CUBN: variants seen among roughly 807,000 people sequenced by gnomAD.
CUBN encodes the protein cubilin.
CUBN carries 282 observed loss-of-function variants against 405.3 expected under a neutral mutation model. The observed-to-expected ratio is 0.70, with a 90% confidence interval of 0.63 to 0.77. CUBN has a LOEUF of 0.77. CUBN is among the 30% of genes least tolerant of loss of function. The pLI, the probability that CUBN is intolerant of heterozygous loss-of-function variation, is 0.00. For missense variants in CUBN, 4,514 were observed against 4,475.2 expected, an observed-to-expected ratio of 1.01 and a Z score of -0.25; for synonymous variants, 1,684 against 1,617.0, an observed-to-expected ratio of 1.04 and a Z score of -0.99.
In CUBN at chr10:17,071,897, A is replaced by G. The variant is rs1331243579; in HGVS notation, c.2376T>C (p.Asn792=). The G allele has an allele frequency of 6.2e-7, 1 of 1,613,324 alleles. No individual in the cohort carries two copies. Among genetic ancestry groups the G allele is most frequent in the African/African-American group, 1.3e-5 (1 of 75,032 alleles). The change falls in exon 18 of 67, where the codon AAT becomes AAC. Residue 792 remains asparagine (N), a synonymous_variant. Coordinates refer to ENST00000377833, the MANE Select transcript of CUBN (RefSeq NM_001081.4). ...GTISHIKSIT[N]SVWIRFKIDA... is the part of the protein sequence containing the mutation. ...CTATTTTAAACCTGATCCAGACACT[A>G]TTAGTAATGGATTTAATGTGAGAGA...
chr10:16,861,451 C>A (rs1215786567), intron 59 of CUBN, among the ~76,000 whole-genome samples: 3 of 152,172 alleles, frequency 2.0e-5, no homozygotes, highest in African/African-American at 7.2e-5. Flanking sequence ...CGTGAGCCAG[C>A]ATGCCTGGCC....
intron 30 of CUBN, 37 bp from the exon 31 acceptor site, chr10:16,982,690 T>A: frequency 6.4e-7 from 1 of 1,567,636 alleles, no homozygotes. Context: ...ATGAGAGGAA[T>A]CATGGATGCT....
chr10:16,999,382 T>C (rs570301306), intron 28 of CUBN, among the ~76,000 whole-genome samples: 36 of 152,202 alleles, frequency 2.4e-4, no homozygotes, highest in Non-Finnish European at 4.9e-4. Context: ...TAGCCAATCT[T>C]GTCATCTTTT....
chr10:17,002,997 T>G (rs537338870), intron 28 of CUBN, among the ~76,000 whole-genome samples: 2 of 152,050 alleles, frequency 1.3e-5, no homozygotes, highest in South Asian at 4.2e-4. Flanking sequence ...TTTAAGAGTA[T>G]CACAAAGACA....
chr10:17,045,519 C>T lies in CUBN; in HGVS notation c.3491-331G>A, dbSNP rs542629713. On this transcript the variant is annotated intron_variant, in intron 24 of 66. Coordinates refer to ENST00000377833, the MANE Select transcript of CUBN (RefSeq NM_001081.4). ...AGATTATAGGCACCTGCCACCACGT[C>T]CAGCTAATTTTTGTATTTTTAGTAG... 8.6e-5 allele frequency among the ~76,000 whole-genome samples: 13 copies of T among 152,004 alleles called. No homozygotes were observed. The South Asian group carries it at 2.7e-3, about 32-fold the overall frequency.
intron 28 of CUBN, among the ~76,000 whole-genome samples, chr10:17,013,670 T>G (rs979777982): frequency 6.6e-6 from 1 of 152,230 alleles, no homozygotes; most frequent in Non-Finnish European, 1.5e-5. Context: ...GCATGTAGGA[T>G]TAGATAAGCA....
chr10:16,906,833 G>T (rs1168142309), intron 49 of CUBN, among the ~76,000 whole-genome samples: 1 of 152,036 alleles, frequency 6.6e-6, no homozygotes. Flanking sequence ...CCATTAATTT[G>T]CCCCCTTTTA....
At chr10:17,129,046 T>A in intron 2 of CUBN, 75 bp downstream of exon 2, 1 of 1,163,040 alleles carries the variant, frequency 8.6e-7, no homozygotes, top group Non-Finnish European at 1.3e-6. Flanking sequence ...AAGGTACAGA[T>A]TAATCTAGAC....
intron 39 of CUBN, among the ~76,000 whole-genome samples, chr10:16,936,685 A>G (rs1842514092): frequency 6.6e-6 from 1 of 152,204 alleles, no homozygotes; most frequent in African/African-American, 2.4e-5. Context: ...GAAATCCATA[A>G]GAAACGCTCA....
chr10:17,090,035 G>C (rs116723115), intron 14 of CUBN, among the ~76,000 whole-genome samples: 1 of 152,146 alleles, frequency 6.6e-6, no homozygotes, highest in South Asian at 2.1e-4. Flanking sequence ...AGGATCACTT[G>C]AGCCTGGGAG....
chr10:17,114,162 C>T lies in CUBN; in HGVS notation c.748G>A (p.Gly250Arg). Residue 250 changes from glycine to arginine, a missense_variant, in exon 8 of 67, where the codon GGG (glycine) becomes AGG (arginine). Physicochemically the swap from Gly to Arg is moderately radical, Grantham distance 125. Coordinates refer to ENST00000377833, the MANE Select transcript of CUBN (RefSeq NM_001081.4). The part of the protein sequence containing the change: ...EPKYSCVCDA[G>R]WMFSPNSPAC... ...GGGCTGTTGGGTGAAAACATCCACC[C>T]AGCATCACAGACGCAGCTGTACTTG... 1 of 1,613,844 alleles carries T rather than the reference C, an allele frequency of 6.2e-7. No homozygotes were observed. The highest frequency in any genetic ancestry group is 8.5e-7 in the Non-Finnish European group (1 of 1,179,928).
chr10:17,097,753 T>C (rs1300671706), intron 14 of CUBN, among the ~76,000 whole-genome samples: 1 of 152,166 alleles, frequency 6.6e-6, no homozygotes, highest in Non-Finnish European at 1.5e-5. Context: ...ATTTACAGAA[T>C]AGAGGACAAA....
intron 36 of CUBN, 26 bp from the exon 37 acceptor site, chr10:16,940,263 AG>A (rs1564436299): frequency 6.3e-7 from 1 of 1,592,844 alleles, no homozygotes; most frequent in Admixed American, 1.7e-5. Context: ...AAATATTTAA[AG>A]GGATTAAATT....
chr10:17,105,576 C>A lies in CUBN; in HGVS notation c.1112-1G>T. 6.4e-7 allele frequency: 1 copy of A among 1,553,662 alleles called. No homozygotes were observed. The highest frequency in any genetic ancestry group is 8.9e-7 in the Non-Finnish European group (1 of 1,124,210). ...AGACACGTGCAGAGAGGTAAGGAAC[C>A]TGTTCAGAAATAAAAACAAACGTGT... On this transcript the variant is annotated splice_acceptor_variant, in intron 10 of 66. Transcript: ENST00000377833. LOFTEE classifies it high-confidence loss of function.
chr10:17,061,108 C>T (rs1383210549), intron 22 of CUBN, among the ~76,000 whole-genome samples: 1 of 151,912 alleles, frequency 6.6e-6, no homozygotes, highest in East Asian at 1.9e-4. Context: ...AACAAACAAA[C>T]AAAAGTATTC....
At chr10:16,969,543 C>T (rs999874543) in intron 31 of CUBN, among the ~76,000 whole-genome samples, 5 of 152,038 alleles carry the variant, frequency 3.3e-5, no homozygotes, top group South Asian at 2.1e-4. Flanking sequence ...TTAGTAGAGA[C>T]GGGGTTTCAT....
intron 59 of CUBN, among the ~76,000 whole-genome samples, chr10:16,865,648 T>C (rs1204254909): frequency 6.6e-6 from 1 of 151,964 alleles, no homozygotes; most frequent in Admixed American, 6.6e-5. Context: ...CTCTGTAAAA[T>C]GCACCAATCA....
intron 13 of CUBN, among the ~76,000 whole-genome samples, chr10:17,102,006 AC>A (rs1387387937): frequency 2.0e-5 from 3 of 152,230 alleles, no homozygotes; most frequent in Non-Finnish European, 4.4e-5. Context: ...ACAATAATCA[AC>A]ATAAAACTAA....
chr10:16,948,067 G>C (rs2131621074), intron 35 of CUBN, among the ~76,000 whole-genome samples: 1 of 152,300 alleles, frequency 6.6e-6, no homozygotes, highest in East Asian at 1.9e-4. Context: ...AAATTAGCCA[G>C]GTGTGGTGGC....
Sources: allele counts gnomAD v4.1 joint callset (sites outside exome capture counted in the v4.1 genomes callset), GRCh38; gene constraint gnomAD v4.1.1; transcripts MANE v1.5; gene names NCBI Gene and HGNC (gene_info 2026-07-23, HGNC 2026-07-21).